The following PAK3 variants were observed in gnomAD, a reference collection of about 807,000 sequenced individuals.
PAK3 encodes p21 (RAC1) activated kinase 3.
A neutral mutation model predicts 41.0 loss-of-function variants in PAK3; 4 were observed. The observed-to-expected ratio is 0.10, with a 90% confidence interval of 0.05 to 0.22. The LOEUF (loss-of-function observed/expected upper bound fraction) is 0.22, where lower values mean the gene tolerates loss of function less well. Among genes scored for constraint, PAK3 ranks in the 10% least tolerant of loss-of-function variants. The probability of loss-of-function intolerance (pLI) is 1.00; values close to 1 mark genes in which losing one functional copy is unlikely to be tolerated. For missense variants in PAK3, 205 were observed against 409.9 expected, an observed-to-expected ratio of 0.50 and a Z score of 4.32; for synonymous variants, 146 against 139.6, an observed-to-expected ratio of 1.05 and a Z score of -0.32.
chrX:110,971,814 A>G (rs1602591757), intron 1 of PAK3, among the ~76,000 whole-genome samples: 2 of 112,320 alleles, frequency 1.8e-5, no homozygotes, highest in South Asian at 3.7e-4. Context: ...TTTATTTTGT[A>G]CATTTACATC....
chrX:111,086,061 T>TTGTGTGTGTG (rs754802946), intron 1 of PAK3, among the ~76,000 whole-genome samples: 11 of 81,757 alleles, frequency 1.3e-4, no homozygotes, highest in African/African-American at 4.9e-4. Context: ...TGATGTCAGC[T>TTGTGTGTGTG]TGTGTGTGTG....
rs770344312 is a variant in PAK3, at chrX:111,220,446, A to G, written c.1634A>G (p.Ter545=). 8 of 1,135,874 alleles carry G rather than the reference A, an allele frequency of 7.0e-6. No homozygotes were observed. In the South Asian group the frequency reaches 1.3e-4, roughly 18 times the overall value. The allele number at this position is 1,135,874 out of a possible 1,213,427, so 93.6% of individuals were successfully genotyped here. A position where few individuals can be genotyped will look rare whatever the true frequency, so the allele number is the denominator to read the frequency against. The change falls in exon 18 of 18, where the codon TAA becomes TGA. Residue 545 remains the stop codon, a stop_retained_variant. Transcript: ENST00000372007. The part of the protein sequence containing the change: ...AKEAIKNSSR[*] ...GAAGCAATTAAGAACAGCAGCCGCT[A>G]AGACTGCAAGCCTTACACCTCACCA...
intron 1 of PAK3, among the ~76,000 whole-genome samples, chrX:111,086,907 C>G (rs1369754960): frequency 8.9e-6 from 1 of 111,907 alleles, no homozygotes; most frequent in Non-Finnish European, 1.9e-5. Flanking sequence ...CTCAAACAAA[C>G]AGATAAGGAC....
At chrX:111,028,916 T>A (rs2092307595) in intron 1 of PAK3, among the ~76,000 whole-genome samples, 1 of 110,710 alleles carries the variant, frequency 9.0e-6, no homozygotes, top group South Asian at 3.8e-4. Flanking sequence ...GACGATTGCT[T>A]CAGGCCACAA....
At chrX:111,216,591 G>A in intron 17 of PAK3, 33 bp downstream of exon 17, 2 of 1,117,793 alleles carry the variant, frequency 1.8e-6, no homozygotes, top group Non-Finnish European at 2.5e-6. Context: ...ACAAAGAGAG[G>A]CATTATACTC....
chrX:111,004,079 T>C (rs1465311327), intron 1 of PAK3, among the ~76,000 whole-genome samples: 1 of 112,513 alleles, frequency 8.9e-6, no homozygotes, highest in Non-Finnish European at 1.9e-5. Context: ...ATATAGCAAG[T>C]GCTCCAGGAC....
chrX:110,963,089 G>C (rs1212012165), intron 1 of PAK3, among the ~76,000 whole-genome samples: 1 of 112,151 alleles, frequency 8.9e-6, no homozygotes, highest in African/African-American at 3.2e-5. Context: ...ACTATCCCTG[G>C]TCAGCATCAG....
intron 8 of PAK3, among the ~76,000 whole-genome samples, chrX:111,157,806 G>GA (rs1371586174): frequency 9.2e-6 from 1 of 108,565 alleles, no homozygotes. Context: ...AAAAAGAAAA[G>GA]AAAAAAAAGA....
rs1395782368 is a variant in PAK3 at position 111,222,960 on chromosome X, A to G, written c.*2513A>G. The G allele has an allele frequency of 1.8e-5, 2 of 111,402 alleles. No homozygotes were observed. Among genetic ancestry groups the G allele is most frequent in the African/African-American group, 6.5e-5 (2 of 30,637 alleles). 9.2% of individuals were successfully genotyped at this position (111,402 alleles called of 1,213,427 possible). The stretch of plus-strand genomic sequence containing the variant: ...CTTTTATAAATTTGTATTCATGTAA[A>G]TTTTCAAATGAGAACAGCTTCTAAA... On this transcript the variant is annotated 3_prime_UTR_variant, in exon 18 of 18. Coordinates refer to ENST00000372007, the MANE Select transcript of PAK3 (RefSeq NM_002578.5).
At chrX:111,069,985 C>G (rs2092729531) in intron 1 of PAK3, among the ~76,000 whole-genome samples, 1 of 111,638 alleles carries the variant, frequency 9.0e-6, no homozygotes. Flanking sequence ...TTCTGCTAAC[C>G]TTTCTGCCAG....
intron 1 of PAK3, among the ~76,000 whole-genome samples, chrX:111,079,784 G>A (rs2092818912): frequency 8.9e-6 from 1 of 112,316 alleles, no homozygotes; most frequent in South Asian, 3.7e-4. Context: ...ATGCCGTTAA[G>A]AACATTTGTT....
intron 1 of PAK3, among the ~76,000 whole-genome samples, chrX:111,047,408 T>G (rs1008530626): frequency 6.5e-5 from 7 of 108,090 alleles, no homozygotes; most frequent in East Asian, 2.9e-4. Context: ...GGTTTTAGGT[T>G]TTTTTTTTTT....
intron 3 of PAK3, among the ~76,000 whole-genome samples, chrX:111,100,906 C>T (rs2093121015): frequency 9.0e-6 from 1 of 111,670 alleles, no homozygotes; most frequent in South Asian, 3.8e-4. Context: ...AGGTGTACAA[C>T]AAGGCGGTAT....
At chrX:111,051,697 C>CTGTGTGTGTG (rs55981824) in intron 1 of PAK3, among the ~76,000 whole-genome samples, 2 of 104,363 alleles carry the variant, frequency 1.9e-5, no homozygotes, top group African/African-American at 7.0e-5. Flanking sequence ...GTGTGTGTGT[C>CTGTGTGTGTG]TGTGTGTGTG....
intron 10 of PAK3, among the ~76,000 whole-genome samples, chrX:111,168,940 G>C (rs1603342156): frequency 1.8e-5 from 2 of 111,701 alleles, no homozygotes; most frequent in East Asian, 5.6e-4. Context: ...ATGGCTCTCA[G>C]TTATATAGAA....
chrX:111,010,179 A>G (rs1012578490), intron 1 of PAK3, among the ~76,000 whole-genome samples: 2 of 111,903 alleles, frequency 1.8e-5, no homozygotes, highest in Non-Finnish European at 3.8e-5. Context: ...AGTATAAAAT[A>G]TAAAAACATG....
chrX:110,981,993 C>A (rs2091455518), intron 1 of PAK3, among the ~76,000 whole-genome samples: 1 of 110,403 alleles, frequency 9.1e-6, no homozygotes, highest in East Asian at 2.8e-4. Context: ...TGGGATAATG[C>A]TGGCAGAAAG....
intron 11 of PAK3, among the ~76,000 whole-genome samples, chrX:111,182,324 C>T (rs904487330): frequency 2.7e-5 from 3 of 109,736 alleles, no homozygotes; most frequent in Non-Finnish European, 5.7e-5. Context: ...TGGCCCCACA[C>T]CCATAATGTG....
intron 4 of PAK3, among the ~76,000 whole-genome samples, chrX:111,112,648 A>C (rs1223910034): frequency 9.0e-6 from 1 of 111,449 alleles, no homozygotes; most frequent in African/African-American, 3.3e-5. Context: ...ATGATGAATA[A>C]ATGAATAAAT....
Sources: gnomAD v4.1 joint callset for allele counts (sites outside exome capture counted in the v4.1 genomes callset) on GRCh38, gnomAD v4.1.1 for gene constraint, MANE v1.5 for transcripts, NCBI Gene and HGNC (gene_info 2026-07-23, HGNC 2026-07-21) for gene names.